The following MARCHF1 variants were observed in gnomAD, a reference collection of about 807,000 sequenced individuals.
MARCHF1 encodes the protein E3 ubiquitin-protein ligase MARCHF1.
Under a neutral mutation model 54.2 loss-of-function variants are expected in MARCHF1, and 40 were observed. The observed-to-expected ratio is 0.74, with a 90% CI of 0.57 to 0.96. The LOEUF is 0.96. Among genes scored for constraint, MARCHF1 ranks in the 40% least tolerant of loss-of-function variants. The pLI is 0.00. For missense variants in MARCHF1, 586 were observed against 656.5 expected, an observed-to-expected ratio of 0.89 and a Z score of 1.17; for synonymous variants, 236 against 236.3, an observed-to-expected ratio of 1.00 and a Z score of 0.01.
intron 9 of MARCHF1, among the ~76,000 whole-genome samples, chr4:163,534,612 G>C (rs557440341): frequency 6.6e-6 from 1 of 152,010 alleles, no homozygotes; most frequent in Non-Finnish European, 1.5e-5. Flanking sequence ...AAAGATGTTA[G>C]AAAACAAATC....
chr4:164,314,594 C>T (rs1734949948), intron 1 of MARCHF1, among the ~76,000 whole-genome samples: 1 of 152,136 alleles, frequency 6.6e-6, no homozygotes, highest in Non-Finnish European at 1.5e-5. Context: ...AATCCAAACT[C>T]AACCAAAACC....
chr4:164,063,907 T>C (rs1041541675), intron 2 of MARCHF1, among the ~76,000 whole-genome samples: 2 of 152,190 alleles, frequency 1.3e-5, no homozygotes, highest in African/African-American at 4.8e-5. Flanking sequence ...GCACCATTTA[T>C]TTAATAGGGA....
intron 3 of MARCHF1, among the ~76,000 whole-genome samples, chr4:163,858,326 A>G (rs1192472825): frequency 6.6e-6 from 1 of 152,130 alleles, no homozygotes; most frequent in Non-Finnish European, 1.5e-5. Flanking sequence ...CCACAGGAAA[A>G]TGCAGTTGCC....
At chr4:163,665,698 A>G (rs1743509162) in intron 5 of MARCHF1, among the ~76,000 whole-genome samples, 1 of 152,168 alleles carries the variant, frequency 6.6e-6, no homozygotes, top group Non-Finnish European at 1.5e-5. Context: ...AACAAAGAAT[A>G]GTGAAACCCT....
intron 3 of MARCHF1, among the ~76,000 whole-genome samples, chr4:163,921,680 T>C (rs1751433668): frequency 6.6e-6 from 1 of 152,154 alleles, no homozygotes; most frequent in African/African-American, 2.4e-5. Flanking sequence ...GGTGATATCA[T>C]AAAAAGAAAT....
chr4:164,123,631 G>A (rs1756122011), intron 1 of MARCHF1, among the ~76,000 whole-genome samples: 1 of 151,996 alleles, frequency 6.6e-6, no homozygotes, highest in Non-Finnish European at 1.5e-5. Context: ...AATCGAGTAT[G>A]CAGAAACAAA....
chr4:164,374,147 C>T (rs772449549), intron 1 of MARCHF1, among the ~76,000 whole-genome samples: 35 of 152,168 alleles, frequency 2.3e-4, no homozygotes, highest in African/African-American at 6.3e-4. Flanking sequence ...GGATTATTTT[C>T]GCATCATTTT....
At chr4:163,768,058 G>T (rs145178220) in intron 4 of MARCHF1, among the ~76,000 whole-genome samples, 123 of 152,190 alleles carry the variant, frequency 8.1e-4, no homozygotes, top group African/African-American at 2.9e-3. Flanking sequence ...CTTTGAAATG[G>T]CTTAAAATGA....
At chr4:163,828,460 TGG>T (rs1217618803) in intron 4 of MARCHF1, among the ~76,000 whole-genome samples, 2 of 152,086 alleles carry the variant, frequency 1.3e-5, no homozygotes, top group Admixed American at 6.6e-5. Flanking sequence ...TGTAGCTGAA[TGG>T]GGGGCACATT....
At chr4:163,821,167 T>C (rs1345363321) in intron 4 of MARCHF1, among the ~76,000 whole-genome samples, 1 of 151,968 alleles carries the variant, frequency 6.6e-6, no homozygotes, top group Non-Finnish European at 1.5e-5. Flanking sequence ...TTCCTCTTTC[T>C]GGGGCATGCT....
intron 4 of MARCHF1, among the ~76,000 whole-genome samples, chr4:163,821,213 C>A (rs1361659537): frequency 6.6e-6 from 1 of 151,914 alleles, no homozygotes; most frequent in Non-Finnish European, 1.5e-5. Context: ...TCTTACCCTT[C>A]AAATCTCAAC....
intron 2 of MARCHF1, among the ~76,000 whole-genome samples, chr4:164,009,290 A>T (rs1236320909): frequency 6.6e-6 from 1 of 152,144 alleles, no homozygotes; most frequent in Non-Finnish European, 1.5e-5. Context: ...GAAATAATCA[A>T]ATTGAGCCAT....
chr4:164,151,737 A>C (rs966797756), intron 1 of MARCHF1, among the ~76,000 whole-genome samples: 1 of 152,144 alleles, frequency 6.6e-6, no homozygotes, highest in African/African-American at 2.4e-5. Context: ...TTTTATTTAA[A>C]ATAGTAAAAT....
intron 1 of MARCHF1, chr4:164,329,896 G>A (rs1735383588): frequency 6.6e-6 from 1 of 152,236 alleles, no homozygotes; most frequent in South Asian, 2.1e-4. Context: ...TCCAACAATA[G>A]GGATTACAAT....
chr4:164,013,128 A>G (rs1051991393), intron 2 of MARCHF1, among the ~76,000 whole-genome samples: 1 of 152,208 alleles, frequency 6.6e-6, no homozygotes, highest in African/African-American at 2.4e-5. Context: ...GTATTGAGGA[A>G]GTTCAATAAA....
intron 2 of MARCHF1, among the ~76,000 whole-genome samples, chr4:164,104,053 A>C (rs1424174422): frequency 6.6e-6 from 1 of 151,536 alleles, no homozygotes; most frequent in Non-Finnish European, 1.5e-5. Context: ...CACTCTCCCA[A>C]GACTAAACCA....
At chr4:163,725,111 T>C (rs559070672) in intron 4 of MARCHF1, among the ~76,000 whole-genome samples, 1 of 152,268 alleles carries the variant, frequency 6.6e-6, no homozygotes, top group Non-Finnish European at 1.5e-5. Context: ...CTGGGAGCTG[T>C]AGGCTGGAGC....
intron 9 of MARCHF1, among the ~76,000 whole-genome samples, chr4:163,541,647 C>T (rs962797512): frequency 6.6e-6 from 1 of 152,156 alleles, no homozygotes; most frequent in African/African-American, 2.4e-5. Context: ...CCAGGATCAT[C>T]ATTACAGTTC....
chr4:164,036,885 T>G (rs560961890), intron 2 of MARCHF1, among the ~76,000 whole-genome samples: 34 of 152,332 alleles, frequency 2.2e-4, no homozygotes, highest in African/African-American at 8.2e-4. Flanking sequence ...GGTGAATATA[T>G]GCATACCAAA....
Sources: gnomAD v4.1 joint callset for allele counts (sites outside exome capture counted in the v4.1 genomes callset) on GRCh38, gnomAD v4.1.1 for gene constraint, MANE v1.5 for transcripts, NCBI Gene and HGNC (gene_info 2026-07-23, HGNC 2026-07-21) for gene names.